The following LPXN variants were observed in gnomAD, a reference collection of about 807,000 sequenced individuals.
The protein encoded by LPXN is leupaxin.
LPXN carries 28 observed loss-of-function variants against 45.6 expected under a neutral mutation model. That is an observed-to-expected ratio of 0.61 (90% CI 0.45 to 0.84). The LOEUF (loss-of-function observed/expected upper bound fraction) is 0.84. LPXN is among the 40% of genes least tolerant of loss of function. The pLI is 0.00. For missense variants in LPXN, 459 were observed against 475.0 expected (o/e 0.97, Z 0.31); for synonymous variants, 166 against 169.9 (o/e 0.98, Z 0.18).
At chr11:58,573,864 T>G (rs933130877) in intron 1 of LPXN, among the ~76,000 whole-genome samples, 1 of 152,142 alleles carries the variant, frequency 6.6e-6, no homozygotes, top group Non-Finnish European at 1.5e-5. Context: ...GTTGCATGGA[T>G]TTCATTCGGA....
chr11:58,548,969 G>A (rs1267608966), intron 7 of LPXN, among the ~76,000 whole-genome samples: 6 of 152,070 alleles, frequency 3.9e-5, no homozygotes, highest in Non-Finnish European at 8.8e-5. Flanking sequence ...AAACAGGGGA[G>A]GGGAAATATG....
At chr11:58,570,421 T>G in intron 2 of LPXN, 135 bp downstream of exon 2, 1 of 558,820 alleles carries the variant, frequency 1.8e-6, no homozygotes, top group East Asian at 3.0e-5. Flanking sequence ...ATCTTTAGAT[T>G]AACATTGAGG....
intron 7 of LPXN, among the ~76,000 whole-genome samples, chr11:58,547,959 A>G (rs1443500445): frequency 6.6e-6 from 1 of 151,814 alleles, no homozygotes; most frequent in South Asian, 2.1e-4. Context: ...AGGAGAAATT[A>G]AAAAAAACAA....
intron 7 of LPXN, among the ~76,000 whole-genome samples, 180 bp downstream of exon 7, chr11:58,549,606 C>A (rs552887561): frequency 6.6e-6 from 1 of 152,008 alleles, no homozygotes; most frequent in Admixed American, 6.6e-5. Context: ...TTTAAAAAAT[C>A]AATTTAAAGG....
intron 3 of LPXN, among the ~76,000 whole-genome samples, chr11:58,560,564 A>G (rs1854343258): frequency 6.6e-6 from 1 of 152,164 alleles, no homozygotes; most frequent in Non-Finnish European, 1.5e-5. Flanking sequence ...ACATTTTTCT[A>G]TCTTCTGCAA....
chr11:58,528,773 T>C (rs1000684644), intron 7 of LPXN, among the ~76,000 whole-genome samples: 2 of 152,210 alleles, frequency 1.3e-5, no homozygotes, highest in Non-Finnish European at 2.9e-5. Flanking sequence ...AATTTCCAGA[T>C]GGATGCAAGA....
chr11:58,545,709 C>A (rs1853856845), intron 7 of LPXN, among the ~76,000 whole-genome samples: 1 of 152,058 alleles, frequency 6.6e-6, no homozygotes, highest in Admixed American at 6.6e-5. Context: ...GATCCAACAG[C>A]CGAAGAGGAA....
chr11:58,547,111 T>C (rs975332360), intron 7 of LPXN, among the ~76,000 whole-genome samples: 4 of 152,102 alleles, frequency 2.6e-5, no homozygotes, highest in African/African-American at 4.8e-5. Context: ...AAAAAGTCCA[T>C]AGATGAGTCT....
chr11:58,570,179 T>C (rs1006816071), intron 2 of LPXN, among the ~76,000 whole-genome samples: 1 of 151,928 alleles, frequency 6.6e-6, no homozygotes, highest in Non-Finnish European at 1.5e-5. Context: ...GGTGCGTGCC[T>C]GTAATCCTAG....
Position 58,528,201 on chromosome 11 carries a change from T to C in LPXN, c.743-10A>G. 2 of 1,611,974 alleles carry C rather than the reference T, an allele frequency of 1.2e-6. No individual in the cohort carries two copies. The highest frequency in any genetic ancestry group is 1.3e-5 in the African/African-American group (1 of 74,996). ...TCCTTCTCATGAAAGCCTGGAGAGA[T>C]AAAATCAGGAATTCACTGTTGCAGG... On this transcript the variant is annotated splice_polypyrimidine_tract_variant and intron_variant, in intron 7 of 8. Transcript: ENST00000395074.
intron 1 of LPXN, among the ~76,000 whole-genome samples, chr11:58,575,524 C>T (rs930339065): frequency 9.9e-5 from 15 of 152,166 alleles, no homozygotes; most frequent in African/African-American, 3.1e-4. Flanking sequence ...GAGTTTATTC[C>T]GCGGTTAGCA....
chr11:58,562,722 G>A (rs1854413918), intron 3 of LPXN, among the ~76,000 whole-genome samples: 1 of 152,188 alleles, frequency 6.6e-6, no homozygotes, highest in African/African-American at 2.4e-5. Flanking sequence ...CAGGCAGAAG[G>A]TGAAACCACA....
At chr11:58,578,656 C>T (rs1304568883), upstream of LPXN, among the ~76,000 whole-genome samples, 1 of 152,178 alleles carries the variant, frequency 6.6e-6, no homozygotes. Flanking sequence ...AACGCCCAGG[C>T]TACTTCTGCG....
At chr11:58,562,129 A>C (rs1474876601) in intron 3 of LPXN, among the ~76,000 whole-genome samples, 1 of 152,166 alleles carries the variant, frequency 6.6e-6, no homozygotes, top group Non-Finnish European at 1.5e-5. Flanking sequence ...TATTTTTATG[A>C]CTTATTCCTC....
Position 58,575,845 on chromosome 11 carries a change from C to T in LPXN, c.-73G>A, listed in dbSNP as rs937768624. 20 of 1,613,802 alleles carry T rather than the reference C, an allele frequency of 1.2e-5. No individual in the cohort carries two copies. The highest frequency in any genetic ancestry group is 8.8e-5 in the South Asian group (8 of 91,068). The stretch of plus-strand genomic sequence containing the variant: ...TTTGGCATGTGCTGAAGAAGAGGAC[C>T]GCAAAGGAACTGGATGAGACAGCAT... On this transcript the variant is annotated 5_prime_UTR_variant, in exon 1 of 9. Coordinates refer to ENST00000395074, the MANE Select transcript of LPXN (RefSeq NM_004811.3).
rs1853993855 is a variant in LPXN, at chr11:58,549,965, T to G, written c.660+8A>C. On this transcript the variant is annotated splice_region_variant and intron_variant, in intron 6 of 8. Transcript: ENST00000395074. ...CTGAAAGCTGGAGAGGAGCGGGGAT[T>G]TACTTACATCCAGGATGGGAGCAGC... The G allele has an allele frequency of 1.2e-6, 2 of 1,614,044 alleles. No individual in the cohort carries two copies. Among genetic ancestry groups the G allele is most frequent in the Non-Finnish European group, 1.7e-6 (2 of 1,179,886 alleles).
chr11:58,533,290 C>A (rs775854379), intron 7 of LPXN, among the ~76,000 whole-genome samples: 1 of 152,238 alleles, frequency 6.6e-6, no homozygotes, highest in Non-Finnish European at 1.5e-5. Flanking sequence ...GTTGGGTAAC[C>A]CACAAAGGGA....
chr11:58,570,685 G>A lies in LPXN; in HGVS notation c.42C>T (p.Ser14=), dbSNP rs1437212664. The A allele has an allele frequency of 6.2e-7, 1 of 1,611,490 alleles. No homozygotes were observed. ...LDALLEELER[S]TLQDSDEYSN... ...AATATTCATCACTGTCCTGAAGGGT[G>A]GAGCGTTCCAGTTCCTCCAATAAGG... Residue 14 remains serine (S), a synonymous_variant, in exon 2 of 9, where the codon TCC becomes TCT. Transcript: ENST00000395074.
intron 3 of LPXN, among the ~76,000 whole-genome samples, chr11:58,558,798 G>T (rs1292123508): frequency 6.6e-6 from 1 of 151,504 alleles, no homozygotes; most frequent in Non-Finnish European, 1.5e-5. Context: ...ATTAAAGATA[G>T]ATATCAATAT....
Sources: gnomAD v4.1 joint callset for allele counts (sites outside exome capture counted in the v4.1 genomes callset) on GRCh38, gnomAD v4.1.1 for gene constraint, MANE v1.5 for transcripts, NCBI Gene and HGNC (gene_info 2026-07-23, HGNC 2026-07-21) for gene names.